TRPM3: variants seen among roughly 807,000 people sequenced by gnomAD.
TRPM3 encodes the protein transient receptor potential cation channel subfamily M member 3.
TRPM3 carries 77 observed loss-of-function variants against 181.2 expected under a neutral mutation model. That is an observed-to-expected ratio of 0.42 (90% CI 0.35 to 0.51). The LOEUF (loss-of-function observed/expected upper bound fraction) is 0.51. Among genes scored for constraint, TRPM3 ranks in the 20% least tolerant of loss-of-function variants. TRPM3 has a pLI of 0.01. For synonymous variants in TRPM3, 745 were observed against 796.4 expected, an observed-to-expected ratio of 0.94 and a Z score of 1.09; for missense variants, 1,759 against 2,196.7, an observed-to-expected ratio of 0.80 and a Z score of 3.98.
rs763069071 is a variant in TRPM3, at chr9:70,784,294, GA to G, written c.974-16del. 9.0e-6 allele frequency: 14 copies of G among 1,557,194 alleles called. No homozygotes were observed. The highest frequency in any genetic ancestry group is 6.9e-5 in the East Asian group (3 of 43,344). ...TTGACCGATTCCTGCATTAAAAAAG[GA>G]AAAGAAAAGGAAAAAAAGAGAAAAG... On this transcript the variant is annotated splice_polypyrimidine_tract_variant and intron_variant, in intron 6 of 25. Transcript: ENST00000677713.
intron 1 of TRPM3, among the ~76,000 whole-genome samples, chr9:71,053,484 G>A (rs1591014187): frequency 6.6e-6 from 1 of 152,218 alleles, no homozygotes; most frequent in African/African-American, 2.4e-5. Flanking sequence ...ATCCAGAAAA[G>A]CAGTGGCAGA....
intron 1 of TRPM3, among the ~76,000 whole-genome samples, chr9:71,101,105 C>T (rs1405742992): frequency 6.6e-6 from 1 of 152,144 alleles, no homozygotes; most frequent in Non-Finnish European, 1.5e-5. Flanking sequence ...ACTGCTTATT[C>T]TCTCGAAATA....
intron 1 of TRPM3, among the ~76,000 whole-genome samples, chr9:71,074,074 A>C (rs1231135501): frequency 6.6e-6 from 1 of 152,190 alleles, no homozygotes; most frequent in Non-Finnish European, 1.5e-5. Context: ...TTCTCTGACT[A>C]AAAGAGGCTA....
chr9:71,018,624 T>C (rs1214619162), intron 1 of TRPM3, among the ~76,000 whole-genome samples: 1 of 151,808 alleles, frequency 6.6e-6, no homozygotes, highest in Non-Finnish European at 1.5e-5. Flanking sequence ...AACAGTAAAG[T>C]ATGAAAATCC....
In TRPM3 at chr9:70,931,728, G is replaced by A. The variant is rs539530932; in HGVS notation, c.178-67217C>T. Among the ~76,000 whole-genome samples the A allele has an allele frequency of 1.2e-3, 188 of 152,062 alleles. 1 individual carries two copies. The highest frequency in any genetic ancestry group is 4.3e-3 in the African/African-American group (177 of 41,482). On this transcript the variant is annotated intron_variant, in intron 1 of 25. Coordinates refer to ENST00000677713, the MANE Select transcript of TRPM3 (RefSeq NM_001366145.2). ...TTCTACTCATACTTTTTGGATTAGC[G>A]CAAAACTTTAAAATCAAAGTTTATA...
At chr9:70,828,482 C>G (rs1174805152) in intron 5 of TRPM3, among the ~76,000 whole-genome samples, 1 of 151,848 alleles carries the variant, frequency 6.6e-6, no homozygotes, top group East Asian at 1.9e-4. Flanking sequence ...TTCTGTCAAT[C>G]TCATTCAGTA....
chr9:71,121,082 G>A, intron 1 of TRPM3, 96 bp downstream of exon 1: 1 of 1,252,090 alleles, frequency 8.0e-7, no homozygotes. Context: ...ATGCATTTAG[G>A]CTCCCCCAAA....
intron 22 of TRPM3, among the ~76,000 whole-genome samples, chr9:70,580,911 T>G (rs2132342047): frequency 6.6e-6 from 1 of 152,348 alleles, no homozygotes; most frequent in South Asian, 2.1e-4. Context: ...CTGTCAGTCT[T>G]CTTCAGCAAC....
intron 1 of TRPM3, among the ~76,000 whole-genome samples, chr9:70,922,564 T>C (rs1180420019): frequency 6.6e-6 from 1 of 152,230 alleles, no homozygotes; most frequent in East Asian, 1.9e-4. Flanking sequence ...CTTCTGCAGA[T>C]ATCCTTTCTG....
At chr9:70,901,304 T>C (rs1332643795) in intron 1 of TRPM3, among the ~76,000 whole-genome samples, 1 of 152,172 alleles carries the variant, frequency 6.6e-6, no homozygotes, top group Non-Finnish European at 1.5e-5. Flanking sequence ...CATTAGGTAA[T>C]ATAGGGTCAG....
intron 1 of TRPM3, among the ~76,000 whole-genome samples, chr9:71,140,128 A>C (rs2075009238): frequency 6.6e-6 from 1 of 152,210 alleles, no homozygotes; most frequent in Non-Finnish European, 1.5e-5. Context: ...GCACTAACCT[A>C]GAATCAACAG....
intron 1 of TRPM3, among the ~76,000 whole-genome samples, chr9:71,058,722 C>G (rs2060953804): frequency 6.6e-6 from 1 of 151,954 alleles, no homozygotes; most frequent in South Asian, 2.1e-4. Context: ...TACCTCAAGT[C>G]CCTATATAGC....
At chr9:71,161,094 A>C (rs1338952052) in intron 1 of TRPM3, among the ~76,000 whole-genome samples, 1 of 152,158 alleles carries the variant, frequency 6.6e-6, no homozygotes. Flanking sequence ...TTCTCCATCA[A>C]ATAAATGAAA....
chr9:70,776,548 A>AC (rs1367882130), intron 7 of TRPM3: 11 of 653,714 alleles, frequency 1.7e-5, no homozygotes, highest in Admixed American at 7.9e-5. Flanking sequence ...GCCCTTAAAA[A>AC]CTCCATGTAA....
chr9:70,557,726 T>G (rs919213075), intron 22 of TRPM3, among the ~76,000 whole-genome samples: 3 of 152,172 alleles, frequency 2.0e-5, no homozygotes, highest in Non-Finnish European at 2.9e-5. Flanking sequence ...CCCCTGGGCC[T>G]CCTCCTTCCT....
chr9:71,015,452 ACT>A (rs2097776990), intron 1 of TRPM3, among the ~76,000 whole-genome samples: 1 of 152,214 alleles, frequency 6.6e-6, no homozygotes, highest in Non-Finnish European at 1.5e-5. Context: ...AGATAACCAG[ACT>A]TATTTAAAGT....
chr9:71,151,548 C>T (rs967016771), intron 1 of TRPM3, among the ~76,000 whole-genome samples: 1 of 151,840 alleles, frequency 6.6e-6, no homozygotes, highest in Non-Finnish European at 1.5e-5. Flanking sequence ...GGCAATTTGG[C>T]CATCTTTATT....
intron 1 of TRPM3, among the ~76,000 whole-genome samples, chr9:71,112,230 G>A (rs1159441098): frequency 1.3e-5 from 2 of 152,066 alleles, no homozygotes; most frequent in African/African-American, 4.8e-5. Flanking sequence ...TAATATTAAA[G>A]GAAATATATT....
chr9:71,361,860 C>T (rs372041909), intron 1 of TRPM3, among the ~76,000 whole-genome samples: 1 of 151,838 alleles, frequency 6.6e-6, no homozygotes, highest in South Asian at 2.1e-4. Flanking sequence ...TATCCCTGAT[C>T]GGGTTCAAAT....
Sources: gnomAD v4.1 joint callset for allele counts (sites outside exome capture counted in the v4.1 genomes callset) on GRCh38, gnomAD v4.1.1 for gene constraint, MANE v1.5 for transcripts, NCBI Gene and HGNC (gene_info 2026-07-23, HGNC 2026-07-21) for gene names.